Variants in ABCA4 observed in about 807,000 individuals in gnomAD.
The protein encoded by ABCA4 is retinal-specific phospholipid-transporting ATPase ABCA4.
ABCA4 carries 196 observed loss-of-function variants against 263.7 expected under a neutral mutation model. That is an observed-to-expected ratio of 0.74 (90% CI 0.66 to 0.84). The LOEUF is 0.84. Among genes scored for constraint, ABCA4 ranks in the 40% least tolerant of loss-of-function variants. ABCA4 has a pLI of 0.00. For missense variants in ABCA4, 2,792 were observed against 2,855.1 expected, an observed-to-expected ratio of 0.98 and a Z score of 0.50; for synonymous variants, 1,133 against 1,094.2, an observed-to-expected ratio of 1.04 and a Z score of -0.70.
chr1:94,027,631 C>T (rs1571262026), intron 30 of ABCA4, among the ~76,000 whole-genome samples: 2 of 152,122 alleles, frequency 1.3e-5, no homozygotes, highest in South Asian at 2.1e-4. Context: ...GAGCAGGGAT[C>T]GGGTGTTCTT....
chr1:94,049,476 T>C (rs1010508834), intron 17 of ABCA4, among the ~76,000 whole-genome samples: 6 of 151,764 alleles, frequency 4.0e-5, no homozygotes, highest in Non-Finnish European at 2.9e-5. Flanking sequence ...ATACAAAAAT[T>C]AGCCGGGTGG....
chr1:94,096,528 C>T (rs4147820), intron 6 of ABCA4, among the ~76,000 whole-genome samples: 31,227 of 151,968 alleles, frequency 0.21, 3,321 homozygotes, highest in South Asian at 0.27. Flanking sequence ...CCCCAGGACC[C>T]GTCTGAGGTC....
At chr1:94,001,780 G>A (rs772565921) in intron 45 of ABCA4, 78 bp downstream of exon 45, 7 of 1,606,362 alleles carry the variant, frequency 4.4e-6, no homozygotes, top group Admixed American at 3.3e-5. Context: ...TAAATCTGCC[G>A]ACCCAGAACC....
At position 94,055,317 on chromosome 1, in the gene ABCA4, T is replaced by C. The variant is rs777634165; in HGVS notation, c.2383-2A>G. The C allele has an allele frequency of 6.2e-7, 1 of 1,613,834 alleles. No individual in the cohort carries two copies. Among genetic ancestry groups the C allele is most frequent in the Non-Finnish European group, 8.5e-7 (1 of 1,179,960 alleles). On this transcript the variant is annotated splice_acceptor_variant, in intron 15 of 49. Coordinates refer to ENST00000370225, the MANE Select transcript of ABCA4 (RefSeq NM_000350.3). LOFTEE classifies it high-confidence loss of function. Reference sequence around the variant, plus strand: ...AAATGCCACCGGAGACAGTAAGCTCTGCAGTGAGGCGGAGAGGGCACAGAA... The same window carrying C: ...AAATGCCACCGGAGACAGTAAGCTCCGCAGTGAGGCGGAGAGGGCACAGAA...
intron 11 of ABCA4, among the ~76,000 whole-genome samples, chr1:94,076,980 G>A (rs1479193843): frequency 1.3e-5 from 2 of 152,182 alleles, no homozygotes; most frequent in African/African-American, 2.4e-5. Flanking sequence ...GTCATGCGTG[G>A]GATCTTATTT....
intron 18 of ABCA4, among the ~76,000 whole-genome samples, chr1:94,047,441 G>A (rs1371366782): frequency 6.6e-6 from 1 of 152,158 alleles, no homozygotes; most frequent in African/African-American, 2.4e-5. Flanking sequence ...AGGCATGAGT[G>A]GCAGAGTTGG....
chr1:94,098,882 T>TAG lies in ABCA4; in HGVS notation c.678_679dup (p.Tyr227SerfsTer15). 6.2e-7 allele frequency: 1 copy of TAG among 1,614,090 alleles called. No homozygotes were observed. Among genetic ancestry groups the TAG allele is most frequent in the Non-Finnish European group, 8.5e-7 (1 of 1,180,018 alleles). On this transcript the variant is annotated frameshift_variant, in exon 6 of 50. Coordinates refer to ENST00000370225, the MANE Select transcript of ABCA4 (RefSeq NM_000350.3). LOFTEE classifies it high-confidence loss of function. ...GCCCTGGGAGAGGGAGCACAGGGCA[T>TAG]AGCGCACCGTCTTTGCCCCGCGTCT...
At chr1:94,055,794 C>T (rs1240519010) in intron 15 of ABCA4, among the ~76,000 whole-genome samples, 2 of 152,152 alleles carry the variant, frequency 1.3e-5, no homozygotes, top group Non-Finnish European at 2.9e-5. Context: ...AGGCAGATGC[C>T]CTGACACCTC....
intron 1 of ABCA4, 33 bp downstream of exon 1, chr1:94,120,947 C>G (rs750207786): frequency 2.4e-5 from 37 of 1,552,306 alleles, no homozygotes; most frequent in Non-Finnish European, 3.1e-5. Flanking sequence ...TTGCTCCACA[C>G]CTCATTTTTA....
intron 20 of ABCA4, 33 bp downstream of exon 20, chr1:94,044,580 G>A: frequency 6.2e-7 from 1 of 1,614,134 alleles, no homozygotes; most frequent in Non-Finnish European, 8.5e-7. Context: ...TGAGGAGAGG[G>A]GATGGGGCGG....
At chr1:94,112,644 A>G (rs1371766600) in intron 2 of ABCA4, among the ~76,000 whole-genome samples, 1 of 152,092 alleles carries the variant, frequency 6.6e-6, no homozygotes, top group African/African-American at 2.4e-5. Flanking sequence ...AAAAACAAAA[A>G]AATTAGCTGG....
chr1:94,082,538 C>CCA (rs4147884), intron 7 of ABCA4, among the ~76,000 whole-genome samples: 36,520 of 152,052 alleles, frequency 0.24, 4,965 homozygotes, highest in Non-Finnish European at 0.32. Flanking sequence ...TCTAACTTTC[C>CCA]CACATCAGTG....
intron 1 of ABCA4, among the ~76,000 whole-genome samples, chr1:94,115,471 C>T (rs557376472): frequency 4.6e-5 from 7 of 152,200 alleles, no homozygotes; most frequent in Non-Finnish European, 8.8e-5. Flanking sequence ...CTCATTTTTC[C>T]TACAGTGTAC....
intron 11 of ABCA4, among the ~76,000 whole-genome samples, chr1:94,064,766 G>A (rs1273153790): frequency 6.6e-6 from 1 of 152,164 alleles, no homozygotes; most frequent in Non-Finnish European, 1.5e-5. Flanking sequence ...GGTTTGCCCT[G>A]CGGGACTCAG....
At chr1:94,025,338 C>T (rs1370167848) in intron 30 of ABCA4, among the ~76,000 whole-genome samples, 4 of 152,230 alleles carry the variant, frequency 2.6e-5, no homozygotes, top group African/African-American at 7.2e-5. Context: ...CAAGCCACCA[C>T]CTAGACCACT....
chr1:94,090,076 T>G (rs932452570), intron 6 of ABCA4, among the ~76,000 whole-genome samples: 4 of 151,950 alleles, frequency 2.6e-5, no homozygotes, highest in African/African-American at 9.7e-5. Flanking sequence ...CCGTTTCCAC[T>G]AATGGGCACA....
intron 14 of ABCA4, 135 bp downstream of exon 14, chr1:94,060,402 T>G (rs1172151060): frequency 1.2e-6 from 1 of 841,074 alleles, no homozygotes; most frequent in East Asian, 2.6e-5. Context: ...CCACGTTGGC[T>G]AAAAGGAAGG....
At position 93,993,208 on chromosome 1, in the gene ABCA4, C is replaced by T. The variant is rs1432805334; in HGVS notation, c.*29G>A. On this transcript the variant is annotated 3_prime_UTR_variant, in exon 50 of 50. Coordinates refer to ENST00000370225, the MANE Select transcript of ABCA4 (RefSeq NM_000350.3). ...GCCTCCAGCTGCCCAGAGTTCCTTTCTGGCTGCAGGAACGAGCGGTGTGAA... is the reference window on the plus strand; with the variant it reads ...GCCTCCAGCTGCCCAGAGTTCCTTTTTGGCTGCAGGAACGAGCGGTGTGAA... The T allele has an allele frequency of 2.5e-6, 4 of 1,613,762 alleles. No individual in the cohort carries two copies. Among genetic ancestry groups the T allele is most frequent in the Non-Finnish European group, 3.4e-6 (4 of 1,179,862 alleles).
intron 24 of ABCA4, among the ~76,000 whole-genome samples, chr1:94,038,127 A>C (rs1660392133): frequency 1.3e-5 from 2 of 150,694 alleles, no homozygotes; most frequent in African/African-American, 4.9e-5. Flanking sequence ...AGGTCACAGG[A>C]AATGCAGAGG....
Sources: allele counts gnomAD v4.1 joint callset (sites outside exome capture counted in the v4.1 genomes callset), GRCh38; gene constraint gnomAD v4.1.1; transcripts MANE v1.5; gene names NCBI Gene and HGNC (gene_info 2026-07-23, HGNC 2026-07-21).